The following HMGN3 variants were observed in gnomAD, a reference collection of about 807,000 sequenced individuals.
HMGN3 encodes high mobility group nucleosomal binding domain 3.
Under a neutral mutation model 18.8 loss-of-function variants are expected in HMGN3, and 6 were observed. That is an observed-to-expected ratio of 0.32 (90% CI 0.18 to 0.63). HMGN3 has a LOEUF of 0.63. HMGN3 is among the 30% of genes least tolerant of loss of function. The pLI, the probability that HMGN3 is intolerant of heterozygous loss-of-function variation, is 0.79. For missense variants in HMGN3, 107 were observed against 114.2 expected (o/e 0.94, Z 0.29); for synonymous variants, 40 against 36.5 (o/e 1.10, Z -0.35).
At chr6:79,210,134 A>G (rs1165499000) in intron 2 of HMGN3, among the ~76,000 whole-genome samples, 2 of 152,228 alleles carry the variant, frequency 1.3e-5, no homozygotes, top group African/African-American at 2.4e-5. Context: ...CCTGGGAACC[A>G]GAATCCAAAT....
intron 1 of HMGN3, among the ~76,000 whole-genome samples, chr6:79,217,862 G>C: frequency 6.6e-6 from 1 of 152,206 alleles, no homozygotes; most frequent in Non-Finnish European, 1.5e-5. Flanking sequence ...GGTGGATATA[G>C]GGGATCTCAG....
At chr6:79,206,304 A>T (rs1196441293) in intron 3 of HMGN3, among the ~76,000 whole-genome samples, 1 of 152,176 alleles carries the variant, frequency 6.6e-6, no homozygotes, top group Non-Finnish European at 1.5e-5. Flanking sequence ...CTCTCCCATT[A>T]CAGGCCCAGA....
chr6:79,207,589 T>C (rs866300344), intron 3 of HMGN3, among the ~76,000 whole-genome samples: 15 of 152,242 alleles, frequency 9.9e-5, no homozygotes, highest in Middle Eastern at 3.4e-3. Context: ...CAGCAGTGAG[T>C]GTGAAAACAG....
At chr6:79,218,470 A>G (rs1296697256) in intron 1 of HMGN3, among the ~76,000 whole-genome samples, 1 of 152,214 alleles carries the variant, frequency 6.6e-6, no homozygotes, top group Admixed American at 6.5e-5. Context: ...TAATCAAATA[A>G]TATGTAGCAG....
At chr6:79,226,632 T>C (rs1210720121) in intron 1 of HMGN3, among the ~76,000 whole-genome samples, 4 of 152,220 alleles carry the variant, frequency 2.6e-5, no homozygotes, top group Non-Finnish European at 4.4e-5. Flanking sequence ...CACCCAGGCA[T>C]TCAGGAAATA....
intron 1 of HMGN3, among the ~76,000 whole-genome samples, chr6:79,223,559 A>G (rs1476115180): frequency 6.6e-6 from 1 of 152,082 alleles, no homozygotes; most frequent in Non-Finnish European, 1.5e-5. Flanking sequence ...AAAAACAATT[A>G]GCTGGGCATG....
At chr6:79,202,360 A>T (rs1431380788) in exon 5 of HMGN3, 1 of 1,613,808 alleles carries the variant, frequency 6.2e-7, no homozygotes, top group African/African-American at 1.3e-5. Flanking sequence ...TCCCTTTAGC[A>T]CCTCTGCTAA....
intron 3 of HMGN3, among the ~76,000 whole-genome samples, chr6:79,206,305 C>G (rs182361349): frequency 6.6e-6 from 1 of 152,326 alleles, no homozygotes; most frequent in Admixed American, 6.5e-5. Flanking sequence ...TCTCCCATTA[C>G]AGGCCCAGAG....
chr6:79,213,435 G>A (rs1776798333), intron 2 of HMGN3, among the ~76,000 whole-genome samples: 1 of 151,906 alleles, frequency 6.6e-6, no homozygotes, highest in Non-Finnish European at 1.5e-5. Context: ...CAATTTAAAT[G>A]CCAGTCCCTA....
intron 1 of HMGN3, among the ~76,000 whole-genome samples, chr6:79,222,244 T>A (rs149465600): frequency 5.3e-5 from 8 of 152,316 alleles, no homozygotes; most frequent in Non-Finnish European, 8.8e-5. Flanking sequence ...TGGCCAATGT[T>A]TTAAAATTAT....
At chr6:79,203,213 C>A (rs1332778630) in intron 4 of HMGN3, among the ~76,000 whole-genome samples, 1 of 152,142 alleles carries the variant, frequency 6.6e-6, no homozygotes, top group Non-Finnish European at 1.5e-5. Context: ...CCTGCGAAAT[C>A]CAGTTAGATG....
intron 5 of HMGN3, 51 bp downstream of exon 5, chr6:79,202,225 A>C: frequency 6.2e-7 from 1 of 1,613,180 alleles, no homozygotes; most frequent in Non-Finnish European, 8.5e-7. Context: ...GGATTGAGAA[A>C]TTTCTTTAAA....
intron 1 of HMGN3, among the ~76,000 whole-genome samples, chr6:79,224,642 T>C (rs1777472811): frequency 6.6e-6 from 1 of 152,202 alleles, no homozygotes; most frequent in East Asian, 1.9e-4. Context: ...GTTGTTGCAT[T>C]TGATGCTTTC....
intron 1 of HMGN3, among the ~76,000 whole-genome samples, chr6:79,231,841 T>G (rs1777852300): frequency 6.6e-6 from 1 of 152,208 alleles, no homozygotes; most frequent in Non-Finnish European, 1.5e-5. Context: ...TACACAGTTT[T>G]AATGTTATTC....
chr6:79,212,379 CTTTG>C lies in HMGN3; in HGVS notation c.66+2589_66+2592del, dbSNP rs1380343950. Among the ~76,000 whole-genome samples the C allele has an allele frequency of 4.6e-5, 7 of 152,164 alleles. No individual in the cohort carries two copies. In the South Asian group the frequency reaches 8.3e-4, roughly 18 times the overall value. ...TGACATTCACTATTCTCCTTCCTTA[CTTTG>C]TTTTTCTTCATAGCTAATATTCAAT... On this transcript the variant is annotated intron_variant, in intron 2 of 5. Transcript: ENST00000344726.
intron 1 of HMGN3, among the ~76,000 whole-genome samples, chr6:79,225,771 C>T (rs543511143): frequency 2.5e-4 from 38 of 152,178 alleles, no homozygotes; most frequent in Non-Finnish European, 4.8e-4. Context: ...TTGTCTACAA[C>T]CCTACAGTCC....
intron 1 of HMGN3, among the ~76,000 whole-genome samples, chr6:79,222,051 C>T (rs1561998808): frequency 6.6e-6 from 1 of 152,122 alleles, no homozygotes; most frequent in Admixed American, 6.5e-5. Context: ...TGAAGGCCTA[C>T]AGTAATTATG....
chr6:79,233,065 C>G (rs1017792627), intron 1 of HMGN3, among the ~76,000 whole-genome samples: 1 of 152,194 alleles, frequency 6.6e-6, no homozygotes, highest in African/African-American at 2.4e-5. Flanking sequence ...CCCACCCTTT[C>G]GTAAGTGAGT....
chr6:79,208,856 C>T (rs1468800407), intron 2 of HMGN3, among the ~76,000 whole-genome samples: 3 of 152,174 alleles, frequency 2.0e-5, no homozygotes, highest in Non-Finnish European at 4.4e-5. Context: ...TGAAGATCAA[C>T]TTAGGCTTTA....
Sources: gnomAD v4.1 joint callset for allele counts (sites outside exome capture counted in the v4.1 genomes callset) on GRCh38, gnomAD v4.1.1 for gene constraint, MANE v1.5 for transcripts, NCBI Gene and HGNC (gene_info 2026-07-23, HGNC 2026-07-21) for gene names.